Variants in ARRB1 observed in about 807,000 individuals in gnomAD.
The protein encoded by ARRB1 is arrestin beta 1, also known as beta-arrestin-1.
ARRB1 carries 21 observed loss-of-function variants against 56.8 expected under a neutral mutation model. The ratio of observed to expected loss-of-function variants is 0.37; its 90% CI spans 0.26 to 0.53. The LOEUF is 0.53. Ranked by LOEUF, ARRB1 falls within the 20% of genes least tolerant of loss-of-function variation. The probability of loss-of-function intolerance (pLI) is 0.88; values close to 1 mark genes in which losing one functional copy is unlikely to be tolerated. For missense variants in ARRB1, 424 were observed against 553.7 expected, an observed-to-expected ratio of 0.77 and a Z score of 2.35; for synonymous variants, 210 against 218.6, an observed-to-expected ratio of 0.96 and a Z score of 0.35.
intron 1 of ARRB1, among the ~76,000 whole-genome samples, chr11:75,323,973 A>G (rs1302721384): frequency 6.6e-6 from 1 of 152,210 alleles, no homozygotes. Flanking sequence ...CTGAAGAAAA[A>G]AAAACGTATT....
At chr11:75,324,600 A>AAC (rs1565140212) in intron 1 of ARRB1, among the ~76,000 whole-genome samples, 5 of 152,014 alleles carry the variant, frequency 3.3e-5, no homozygotes, top group Admixed American at 6.6e-5. Context: ...AGGCCTGGGG[A>AAC]GTGTGCGTGT....
chr11:75,329,187 A>C (rs76522744), intron 1 of ARRB1, among the ~76,000 whole-genome samples: 1,766 of 151,066 alleles, frequency 0.012, 21 homozygotes, highest in South Asian at 0.016. Flanking sequence ...TGCAGCCTCA[A>C]CATCCTGTGT....
intron 1 of ARRB1, chr11:75,303,653 G>A (rs1444416594): frequency 4.4e-6 from 2 of 456,310 alleles, no homozygotes; most frequent in South Asian, 1.5e-5. Flanking sequence ...CACCTACAGG[G>A]CAGCGGAAGG....
chr11:75,285,422 A>G (rs1396265264), intron 3 of ARRB1, among the ~76,000 whole-genome samples: 3 of 152,084 alleles, frequency 2.0e-5, no homozygotes, highest in East Asian at 1.9e-4. Flanking sequence ...TCCCCTGTCT[A>G]TCTTTGGCCA....
chr11:75,328,519 C>T (rs1167669333), intron 1 of ARRB1, among the ~76,000 whole-genome samples: 1 of 152,218 alleles, frequency 6.6e-6, no homozygotes, highest in African/African-American at 2.4e-5. Flanking sequence ...ACTGAAGCCC[C>T]TGCCGCCCAA....
intron 1 of ARRB1, chr11:75,303,605 A>G (rs1399531619): frequency 5.0e-5 from 23 of 456,082 alleles, no homozygotes; most frequent in Non-Finnish European, 1.0e-4. Context: ...TTACCTGCAG[A>G]AGGTACAGGC....
At chr11:75,299,148 G>A (rs1164568653) in intron 1 of ARRB1, among the ~76,000 whole-genome samples, 1 of 151,314 alleles carries the variant, frequency 6.6e-6, no homozygotes, top group Non-Finnish European at 1.5e-5. Context: ...ATTGGATAGT[G>A]GTGATGGTTA....
chr11:75,305,375 C>T (rs117593728), intron 1 of ARRB1, among the ~76,000 whole-genome samples: 1 of 152,132 alleles, frequency 6.6e-6, no homozygotes, highest in South Asian at 2.1e-4. Flanking sequence ...TGATTACATA[C>T]TAATTATTTT....
chr11:75,270,497 G>A lies in ARRB1; in HGVS notation c.1022+1204C>T, dbSNP rs531368977. The stretch of plus-strand genomic sequence containing the variant: ...ACAAAAATTAGCCGGGTGTGGTGGC[G>A]GGTGCCTATAATCCCAGCTACTTGG... On this transcript the variant is annotated intron_variant, in intron 13 of 15. Coordinates refer to ENST00000420843, the MANE Select transcript of ARRB1 (RefSeq NM_004041.5). Among the ~76,000 whole-genome samples, 18 of 152,222 alleles carry A rather than the reference G, an allele frequency of 1.2e-4. No individual in the cohort carries two copies. In the South Asian group the frequency reaches 1.7e-3, roughly 14 times the overall value.
intron 1 of ARRB1, among the ~76,000 whole-genome samples, chr11:75,328,913 T>C (rs1591980580): frequency 6.6e-6 from 1 of 151,972 alleles, no homozygotes; most frequent in East Asian, 1.9e-4. Flanking sequence ...GCAAAACCAT[T>C]GAGTGGAACG....
intron 1 of ARRB1, chr11:75,311,927 G>A: frequency 1.3e-6 from 1 of 755,438 alleles, no homozygotes; most frequent in Non-Finnish European, 1.9e-6. Flanking sequence ...AGAAGGGGCT[G>A]GCTGAGAGGG....
intron 1 of ARRB1, chr11:75,303,528 G>A (rs546323617): frequency 3.3e-5 from 15 of 454,474 alleles, no homozygotes; most frequent in East Asian, 2.8e-4. Flanking sequence ...CCTTCCATTC[G>A]TCTTTCTTAT....
intron 1 of ARRB1, among the ~76,000 whole-genome samples, chr11:75,332,366 G>C (rs1382545513): frequency 6.6e-6 from 1 of 152,182 alleles, no homozygotes; most frequent in Non-Finnish European, 1.5e-5. Context: ...TGTAAACATA[G>C]CTAGATCTTT....
chr11:75,311,165 C>T (rs754429979), intron 1 of ARRB1, among the ~76,000 whole-genome samples: 2 of 152,102 alleles, frequency 1.3e-5, no homozygotes, highest in African/African-American at 4.8e-5. Flanking sequence ...GGTGAAACCC[C>T]GTCTCTACTA....
intron 12 of ARRB1, 134 bp from the exon 13 acceptor site, chr11:75,271,858 C>A: frequency 1.1e-6 from 1 of 931,732 alleles, no homozygotes. Context: ...CCCACCCACC[C>A]CCCTGCACAG....
intron 1 of ARRB1, among the ~76,000 whole-genome samples, chr11:75,307,176 G>C (rs1008092713): frequency 6.6e-6 from 1 of 152,172 alleles, no homozygotes; most frequent in Non-Finnish European, 1.5e-5. Context: ...AAGTTTATAA[G>C]TGCCCATCTC....
chr11:75,287,384 G>A lies in ARRB1; in HGVS notation c.52-9C>T. The A allele has an allele frequency of 1.3e-6, 2 of 1,557,894 alleles. No individual in the cohort carries two copies. The highest frequency in any genetic ancestry group is 4.8e-5 in the East Asian group (2 of 41,496). ...CCCAGGTAGACGGTGAGCTGAGGAG[G>A]AGAGGCATAGGGGGCGTTAGCAGCT... On this transcript the variant is annotated splice_polypyrimidine_tract_variant and intron_variant, in intron 2 of 15. Transcript: ENST00000420843.
chr11:75,316,800 G>A (rs1268017911), intron 1 of ARRB1, among the ~76,000 whole-genome samples: 1 of 152,074 alleles, frequency 6.6e-6, no homozygotes, highest in Non-Finnish European at 1.5e-5. Context: ...AGGTGCAGTG[G>A]CTCACGCCTG....
At chr11:75,343,951 G>A (rs1418975566) in intron 1 of ARRB1, among the ~76,000 whole-genome samples, 1 of 152,110 alleles carries the variant, frequency 6.6e-6, no homozygotes, top group African/African-American at 2.4e-5. Context: ...GAGTAGCTGG[G>A]ACTACAGGCG....
Sources: gnomAD v4.1 joint callset for allele counts (sites outside exome capture counted in the v4.1 genomes callset) on GRCh38, gnomAD v4.1.1 for gene constraint, MANE v1.5 for transcripts, NCBI Gene and HGNC (gene_info 2026-07-23, HGNC 2026-07-21) for gene names.